Variants in PIEZO2 observed in about 807,000 individuals in gnomAD.
PIEZO2 encodes the protein piezo type mechanosensitive ion channel component 2, also known as piezo-type mechanosensitive ion channel component 2.
PIEZO2 carries 172 observed loss-of-function variants against 337.3 expected under a neutral mutation model. The observed-to-expected ratio is 0.51, with a 90% CI of 0.45 to 0.58. The LOEUF (loss-of-function observed/expected upper bound fraction) is 0.58. PIEZO2 is among the 20% of genes least tolerant of loss of function. The pLI is 0.00. For missense variants in PIEZO2, 3,028 were observed against 3,391.3 expected, an observed-to-expected ratio of 0.89 and a Z score of 2.66; for synonymous variants, 1,251 against 1,228.5, an observed-to-expected ratio of 1.02 and a Z score of -0.38.
At chr18:10,769,438 G>A (rs1446932259) in intron 21 of PIEZO2, among the ~76,000 whole-genome samples, 1 of 152,176 alleles carries the variant, frequency 6.6e-6, no homozygotes, top group Non-Finnish European at 1.5e-5. Context: ...TTGTAGTGTT[G>A]TAGTTGTGAT....
intron 1 of PIEZO2, among the ~76,000 whole-genome samples, chr18:11,098,097 A>G (rs975303244): frequency 6.6e-6 from 1 of 152,196 alleles, no homozygotes; most frequent in East Asian, 1.9e-4. Context: ...CAATCTCAAC[A>G]TTATTTGTAA....
At chr18:10,747,938 C>T (rs1941548) in intron 30 of PIEZO2, among the ~76,000 whole-genome samples, 1 of 151,868 alleles carries the variant, frequency 6.6e-6, no homozygotes, top group Non-Finnish European at 1.5e-5. Context: ...AGCTAGTCAT[C>T]GACACCCACC....
rs545692987 is a variant in PIEZO2 at position 11,113,721 on chromosome 18, CAAGT to C, written c.64+34800_64+34803del. On this transcript the variant is annotated intron_variant, in intron 1 of 55. Coordinates refer to ENST00000674853, the MANE Select transcript of PIEZO2 (RefSeq NM_001378183.1). ...ACAAAAGGAACTACTCAAATATTAG[CAAGT>C]AAGTCATCCCCTTAGCACATTCTCT... Among the ~76,000 whole-genome samples, 48 of 152,308 alleles carry C rather than the reference CAAGT, an allele frequency of 3.2e-4. No individual in the cohort carries two copies. In the East Asian group the frequency reaches 9.1e-3, roughly 29 times the overall value.
Position 10,691,782 on chromosome 18 carries a change from C to CACACACACACACACATATATATAT in PIEZO2, c.7191-400_7191-399insATATATATATGTGTGTGTGTGTGT. 1.8e-3 allele frequency among the ~76,000 whole-genome samples: 170 copies of CACACACACACACACATATATATAT among 96,598 alleles called. 13 individuals are homozygous for CACACACACACACACATATATATAT. The highest frequency in any genetic ancestry group is 5.1e-3 in the East Asian group (12 of 2,334). 63.4% of individuals were successfully genotyped at this position (96,598 alleles called of 152,430 possible). A position where few individuals can be genotyped will look rare whatever the true frequency, so the allele number is the denominator to read the frequency against. On this transcript the variant is annotated intron_variant, in intron 47 of 55. Transcript: ENST00000674853. ...AAATATATATAAACACACACACACACATATATATATATATATATAGAGAGA... is the reference window on the plus strand; with the variant it reads ...AAATATATATAAACACACACACACACACACACACACACACATATATATATATATATATATATATATATAGAGAGA...
In PIEZO2 at chr18:11,030,137, C is replaced by G. The variant is rs1048848427; in HGVS notation, c.160+35990G>C. Among the ~76,000 whole-genome samples, 5 of 152,266 alleles carry G rather than the reference C, an allele frequency of 3.3e-5. 1 individual carries two copies. Among genetic ancestry groups the G allele is most frequent in the Admixed American group, 3.3e-4 (5 of 15,308 alleles). ...AGACAAGCTACCATCCTCATTCCAG[C>G]CACAAAGCCAACCCCTTATAGTGCT... is the stretch of plus-strand genomic sequence containing the variant. On this transcript the variant is annotated intron_variant, in intron 2 of 55. Coordinates refer to ENST00000674853, the MANE Select transcript of PIEZO2 (RefSeq NM_001378183.1).
chr18:11,116,583 C>T lies in PIEZO2; in HGVS notation c.64+31942G>A, dbSNP rs1252449678. 7.9e-5 allele frequency among the ~76,000 whole-genome samples: 12 copies of T among 151,768 alleles called. No individual in the cohort carries two copies. Among genetic ancestry groups the T allele is most frequent in the African/African-American group, 2.7e-4 (11 of 41,298 alleles). On this transcript the variant is annotated intron_variant, in intron 1 of 55. Transcript: ENST00000674853. This position sits in a 1 kb window ranked among gnomAD's most constrained non-coding sequence, Gnocchi z 5.0. ...TTAAAAAATTAGCCGGGCGTGGTGGCGGGGGGCCTGTAGTCCCAGCTACTC... is the reference window on the plus strand; with the variant it reads ...TTAAAAAATTAGCCGGGCGTGGTGGTGGGGGGCCTGTAGTCCCAGCTACTC...
Position 11,132,445 on chromosome 18 carries a change from G to C in PIEZO2, c.64+16080C>G, listed in dbSNP as rs981431350. Among the ~76,000 whole-genome samples the C allele has an allele frequency of 1.3e-5, 2 of 152,148 alleles. No individual in the cohort carries two copies. Among genetic ancestry groups the C allele is most frequent in the African/African-American group, 4.8e-5 (2 of 41,432 alleles). On this transcript the variant is annotated intron_variant, in intron 1 of 55. Transcript: ENST00000674853. The surrounding 1 kb of genome is among the most constrained non-coding windows in gnomAD (Gnocchi z 4.7). Reference sequence around the variant, plus strand: ...GCCAGCTAGGTAACAGTACTTTGCAGGGCTGGGGCAAAGTTCTCCAGAAGG... The same window carrying C: ...GCCAGCTAGGTAACAGTACTTTGCACGGCTGGGGCAAAGTTCTCCAGAAGG...
At chr18:11,087,689 A>T (rs1458313143) in intron 1 of PIEZO2, among the ~76,000 whole-genome samples, 1 of 152,130 alleles carries the variant, frequency 6.6e-6, no homozygotes, top group African/African-American at 2.4e-5. Flanking sequence ...ACAGTTTTTC[A>T]TCAAGATCAA....
intron 2 of PIEZO2, among the ~76,000 whole-genome samples, chr18:11,055,432 T>C (rs922144392): frequency 1.3e-5 from 2 of 152,076 alleles, no homozygotes; most frequent in African/African-American, 2.4e-5. Flanking sequence ...AATGTGGGTA[T>C]GTCAGCTTTA....
At chr18:11,036,713 G>A (rs770680759) in intron 2 of PIEZO2, among the ~76,000 whole-genome samples, 3 of 151,936 alleles carry the variant, frequency 2.0e-5, no homozygotes, top group East Asian at 1.9e-4. Flanking sequence ...TGTGTTATGC[G>A]ATAAATTTGG....
At position 10,992,245 on chromosome 18, in the gene PIEZO2, T is replaced by C. The variant is rs147971342; in HGVS notation, c.161-12585A>G. On this transcript the variant is annotated intron_variant, in intron 2 of 55. Coordinates refer to ENST00000674853, the MANE Select transcript of PIEZO2 (RefSeq NM_001378183.1). ...AGCTCTTCAGTTTACTTAGATCCCA[T>C]TTGTCAATTTTGGCTTTTGTTGCCA... 2.1e-3 allele frequency among the ~76,000 whole-genome samples: 320 copies of C among 152,332 alleles called. 2 individuals carry two copies. Among genetic ancestry groups the C allele is most frequent in the African/African-American group, 7.5e-3 (312 of 41,580 alleles).
chr18:10,766,554 G>C lies in PIEZO2; in HGVS notation c.2947-3456C>G, dbSNP rs1213191099. On this transcript the variant is annotated intron_variant, in intron 21 of 55. Coordinates refer to ENST00000674853, the MANE Select transcript of PIEZO2 (RefSeq NM_001378183.1). The surrounding 1 kb of genome is among the most constrained non-coding windows in gnomAD (Gnocchi z 6.1). ...ATCTGAATATAACCTTGTGGGGCCT[G>C]AGGGCCCTGCCTCAAGGGAAGGGGC... Among the ~76,000 whole-genome samples, 1 of 152,170 alleles carries C rather than the reference G, an allele frequency of 6.6e-6. No individual in the cohort carries two copies. The highest frequency in any genetic ancestry group is 1.9e-4 in the East Asian group (1 of 5,182).
At chr18:11,034,767 C>T (rs2036865475) in intron 2 of PIEZO2, among the ~76,000 whole-genome samples, 1 of 152,098 alleles carries the variant, frequency 6.6e-6, no homozygotes, top group South Asian at 2.1e-4. Context: ...ATCGCTTCAA[C>T]CTGGGAGGTG....
Position 10,943,782 on chromosome 18 carries a change from C to G in PIEZO2, c.287-32554G>C, listed in dbSNP as rs992758634. Among the ~76,000 whole-genome samples the G allele has an allele frequency of 6.6e-6, 1 of 152,148 alleles. No individual in the cohort carries two copies. The highest frequency in any genetic ancestry group is 2.4e-5 in the African/African-American group (1 of 41,430). Reference sequence around the variant, plus strand: ...AGAATGACATGGTTTAGTTCTGTGTCTCCATACAGAGATATGTGAGAGTTG... The same window carrying G: ...AGAATGACATGGTTTAGTTCTGTGTGTCCATACAGAGATATGTGAGAGTTG... On this transcript the variant is annotated intron_variant, in intron 3 of 55. Coordinates refer to ENST00000674853, the MANE Select transcript of PIEZO2 (RefSeq NM_001378183.1). The surrounding 1 kb of genome is among the most constrained non-coding windows in gnomAD (Gnocchi z 4.5).
intron 2 of PIEZO2, among the ~76,000 whole-genome samples, chr18:11,019,585 G>A (rs747886068): frequency 2.6e-5 from 4 of 152,150 alleles, no homozygotes; most frequent in Non-Finnish European, 5.9e-5. Context: ...ACGGAAGACA[G>A]TTTTCTAGTT....
At position 10,979,246 on chromosome 18, in the gene PIEZO2, ACT is replaced by A. The variant is rs1340585467; in HGVS notation, c.286+287_286+288del. Among the ~76,000 whole-genome samples the A allele has an allele frequency of 2.0e-5, 3 of 151,346 alleles. No homozygotes were observed. Among genetic ancestry groups the A allele is most frequent in the Non-Finnish European group, 4.4e-5 (3 of 67,924 alleles). ...ATGAAAGCTCCAAGGGCTGTCTGTA[ACT>A]CTTGAATTTTAGGTTAAGCTCAATG... is the stretch of plus-strand genomic sequence containing the variant. On this transcript the variant is annotated intron_variant, in intron 3 of 55. Transcript: ENST00000674853. This position sits in a 1 kb window ranked among gnomAD's most constrained non-coding sequence, Gnocchi z 4.0.
rs750768276 is a variant in PIEZO2 at position 10,699,075 on chromosome 18, C to A, written c.6544G>T (p.Asp2182Tyr). 1.3e-6 allele frequency: 2 copies of A among 1,537,160 alleles called. No homozygotes were observed. The highest frequency in any genetic ancestry group is 1.7e-6 in the Non-Finnish European group (2 of 1,146,908). Residue 2182 changes from aspartate to tyrosine, a missense_variant, in exon 44 of 56, where the codon GAT becomes TAT. By Grantham distance (160) the Asp-to-Tyr change is radical. Around this residue, in one of 5 missense-constraint regions of PIEZO2, gnomAD observed 1,925 missense variants for 2,051.9 expected, o/e 0.94. Transcript: ENST00000674853. ...GCCAGGTTGATGGACTTGAGAGAATCGGAGGAGTCCCTCCTGCCATGACCG... is the reference window on the plus strand; with the variant it reads ...GCCAGGTTGATGGACTTGAGAGAATAGGAGGAGTCCCTCCTGCCATGACCG... Reference protein sequence around the residue: ...SLGHGRRDSSDSLKSINLAAS... With the variant: ...SLGHGRRDSSYSLKSINLAAS...
intron 4 of PIEZO2, among the ~76,000 whole-genome samples, chr18:10,898,133 T>C (rs1199292008): frequency 1.3e-5 from 2 of 152,268 alleles, no homozygotes; most frequent in Non-Finnish European, 2.9e-5. Flanking sequence ...CTTGCATGGA[T>C]GTGATCTAAG....
chr18:11,090,272 TAAA>T (rs2039036258), intron 1 of PIEZO2, among the ~76,000 whole-genome samples: 1 of 148,520 alleles, frequency 6.7e-6, no homozygotes, highest in African/African-American at 2.5e-5. Flanking sequence ...AAGAAAGAAA[TAAA>T]AGAGAGAGAG....
Sources: gnomAD v4.1 joint callset for allele counts (sites outside exome capture counted in the v4.1 genomes callset) on GRCh38, gnomAD v4.1.1 for gene constraint, gnomAD v4.1.1 regional missense constraint, Gnocchi (gnomAD v3.1) non-coding constraint, MANE v1.5 for transcripts, NCBI Gene and HGNC (gene_info 2026-07-23, HGNC 2026-07-21) for gene names.